GRIP1: variants seen among roughly 807,000 people sequenced by gnomAD.
The protein encoded by GRIP1 is glutamate receptor interacting protein 1.
A neutral mutation model predicts 129.9 loss-of-function variants in GRIP1; 45 were observed. The observed-to-expected ratio is 0.35, with a 90% CI of 0.27 to 0.44. The LOEUF (loss-of-function observed/expected upper bound fraction) is 0.44. Ranked by LOEUF, GRIP1 falls within the 20% of genes least tolerant of loss-of-function variation. GRIP1 has a pLI of 1.00. For synonymous variants in GRIP1, 530 were observed against 520.8 expected (o/e 1.02, Z -0.24); for missense variants, 1,196 against 1,396.8 (o/e 0.86, Z 2.29).
chr12:66,455,861 A>T (rs1464291574), intron 10 of GRIP1, among the ~76,000 whole-genome samples: 1 of 152,252 alleles, frequency 6.6e-6, no homozygotes, highest in Non-Finnish European at 1.5e-5. Flanking sequence ...TGCATCAGAT[A>T]CATAATCTCA....
chr12:66,749,597 C>T (rs1156402780), intron 1 of GRIP1, among the ~76,000 whole-genome samples: 1 of 152,154 alleles, frequency 6.6e-6, no homozygotes, highest in African/African-American at 2.4e-5. Context: ...AGTTAGACTT[C>T]CTGTGGCGGT....
At chr12:66,578,382 C>T (rs967462086) in intron 2 of GRIP1, among the ~76,000 whole-genome samples, 2 of 152,078 alleles carry the variant, frequency 1.3e-5, no homozygotes, top group Non-Finnish European at 2.9e-5. Flanking sequence ...GTTCATCTCA[C>T]TAGGGAGTGC....
intron 1 of GRIP1, among the ~76,000 whole-genome samples, chr12:66,859,186 A>G (rs1311887250): frequency 6.7e-6 from 1 of 149,826 alleles, no homozygotes; most frequent in Non-Finnish European, 1.5e-5. Flanking sequence ...TGACTCTAAA[A>G]TACTAAACGC....
intron 1 of GRIP1, among the ~76,000 whole-genome samples, chr12:66,941,645 C>A (rs944592546): frequency 6.6e-6 from 1 of 152,118 alleles, no homozygotes; most frequent in Non-Finnish European, 1.5e-5. Flanking sequence ...GCCTGAAAAC[C>A]CTTGCTCATT....
intron 1 of GRIP1, among the ~76,000 whole-genome samples, chr12:66,902,120 A>G (rs984874190): frequency 2.0e-5 from 3 of 152,270 alleles, no homozygotes; most frequent in Admixed American, 2.0e-4. Context: ...AGTTCTTTAC[A>G]GTGGTGTTGC....
At chr12:66,859,258 T>TGG (rs71088215) in intron 1 of GRIP1, among the ~76,000 whole-genome samples, 13 of 45,774 alleles carry the variant, frequency 2.8e-4, no homozygotes, top group Admixed American at 7.5e-4. Context: ...CCACATTTTC[T>TGG]GAAAAAAAAC....
intron 1 of GRIP1, among the ~76,000 whole-genome samples, chr12:66,621,880 T>C (rs925658555): frequency 1.3e-5 from 2 of 152,130 alleles, no homozygotes; most frequent in Non-Finnish European, 2.9e-5. Context: ...TTATGGCCCA[T>C]TTGTGTATCT....
chr12:66,701,978 A>G (rs1156450231), intron 1 of GRIP1, among the ~76,000 whole-genome samples: 1 of 152,170 alleles, frequency 6.6e-6, no homozygotes, highest in Non-Finnish European at 1.5e-5. Context: ...TGTTATAGTG[A>G]ATACAGTCAT....
At chr12:66,741,246 G>C (rs2036778600) in intron 1 of GRIP1, among the ~76,000 whole-genome samples, 1 of 152,028 alleles carries the variant, frequency 6.6e-6, no homozygotes, top group Admixed American at 6.6e-5. Context: ...TTTTAAAAAA[G>C]TACTTAAAAA....
rs542737728 is a variant in GRIP1 at position 66,780,148 on chromosome 12, T to C, written c.-420+23905A>G. 2.0e-5 allele frequency among the ~76,000 whole-genome samples: 3 copies of C among 152,236 alleles called. No individual in the cohort carries two copies. In the East Asian group the frequency reaches 5.8e-4, roughly 29 times the overall value. On this transcript the variant is annotated intron_variant, in intron 1 of 4. Coordinates refer to the GRIP1 transcript ENST00000538373. Reference sequence around the variant, plus strand: ...TGGTCAAAACCCTAAGGACAACACATACATCAAACCCGGAGATGATGTATC... The same window carrying C: ...TGGTCAAAACCCTAAGGACAACACACACATCAAACCCGGAGATGATGTATC...
At chr12:66,676,977 A>G (rs2034366994) in intron 1 of GRIP1, among the ~76,000 whole-genome samples, 1 of 152,192 alleles carries the variant, frequency 6.6e-6, no homozygotes, top group Non-Finnish European at 1.5e-5. Context: ...ACTCAGGTGC[A>G]TTCTTGTAAG....
In GRIP1 at chr12:66,577,910, T is replaced by C. The variant is rs138505148; in HGVS notation, c.136+18937A>G. Among the ~76,000 whole-genome samples the C allele has an allele frequency of 3.7e-3, 567 of 152,284 alleles. 4 individuals are homozygous for C. Among genetic ancestry groups the C allele is most frequent in the African/African-American group, 0.013 (543 of 41,552 alleles). ...TAAAGCTTTTAGTGAGCCATGATCATGCCACTGCACTCCAGCCTGGCTGAC... is the reference window on the plus strand; with the variant it reads ...TAAAGCTTTTAGTGAGCCATGATCACGCCACTGCACTCCAGCCTGGCTGAC... On this transcript the variant is annotated intron_variant, in intron 2 of 24. Transcript: ENST00000359742.
chr12:66,754,516 A>G (rs913462950), intron 1 of GRIP1, among the ~76,000 whole-genome samples: 23 of 152,308 alleles, frequency 1.5e-4, no homozygotes, highest in African/African-American at 5.5e-4. Context: ...GAGACAACAT[A>G]TTCTATCTCC....
intron 23 of GRIP1, among the ~76,000 whole-genome samples, chr12:66,364,378 G>A (rs1173654401): frequency 6.6e-6 from 1 of 150,702 alleles, no homozygotes; most frequent in African/African-American, 2.4e-5. Context: ...AACTCAGTAA[G>A]CCAAAGGAAA....
intron 1 of GRIP1, among the ~76,000 whole-genome samples, chr12:66,627,059 C>CA (rs58471566): frequency 0.2 from 30,091 of 152,112 alleles, 3,090 homozygotes; most frequent in Non-Finnish European, 0.23. Context: ...ATCTGCCCTA[C>CA]AAAGCATTAT....
At chr12:66,740,362 G>T (rs1188297209) in intron 1 of GRIP1, among the ~76,000 whole-genome samples, 1 of 152,178 alleles carries the variant, frequency 6.6e-6, no homozygotes, top group Non-Finnish European at 1.5e-5. Context: ...TGAGTCATAA[G>T]TGATACAAAT....
chr12:66,847,938 T>C lies in GRIP1; in HGVS notation c.58+221112A>G, dbSNP rs570770422. Among the ~76,000 whole-genome samples the C allele has an allele frequency of 6.6e-5, 10 of 152,316 alleles. No homozygotes were observed. The East Asian group carries it at 1.9e-3, about 29-fold the overall frequency. ...ATTATCATTGTTTTAGATAAAACAT[T>C]TATTTAAAAGGCAGCAAGTGATTTT... is the stretch of plus-strand genomic sequence containing the variant. On this transcript the variant is annotated intron_variant, in intron 1 of 1. Transcript: ENST00000643019.
intron 1 of GRIP1, among the ~76,000 whole-genome samples, chr12:67,003,540 A>C (rs1223765586): frequency 6.6e-6 from 1 of 151,862 alleles, no homozygotes; most frequent in Admixed American, 6.6e-5. Flanking sequence ...AAAAATACAA[A>C]AAATTAGCCA....
At chr12:66,638,724 T>C (rs576824379) in intron 1 of GRIP1, among the ~76,000 whole-genome samples, 4 of 152,256 alleles carry the variant, frequency 2.6e-5, no homozygotes, top group South Asian at 4.1e-4. Flanking sequence ...ATGTCTAAGG[T>C]GAGTGTTGGG....
Sources: allele counts gnomAD v4.1 joint callset (sites outside exome capture counted in the v4.1 genomes callset), GRCh38; gene constraint gnomAD v4.1.1; transcripts MANE v1.5; gene names NCBI Gene and HGNC (gene_info 2026-07-23, HGNC 2026-07-21).